The following NCKAP1 variants were observed in gnomAD, a reference collection of about 807,000 sequenced individuals.
NCKAP1 encodes the protein NCK associated protein 1.
NCKAP1 carries 21 observed loss-of-function variants against 151.2 expected under a neutral mutation model. The observed-to-expected ratio is 0.14, with a 90% CI of 0.10 to 0.20. NCKAP1 has a LOEUF of 0.20. Ranked by LOEUF, NCKAP1 falls within the 10% of genes least tolerant of loss-of-function variation. The pLI is 1.00. For missense variants in NCKAP1, 933 were observed against 1,352.1 expected, an observed-to-expected ratio of 0.69 and a Z score of 4.86; for synonymous variants, 484 against 451.8, an observed-to-expected ratio of 1.07 and a Z score of -0.90.
chr2:183,019,311 C>A (rs1698751580), intron 2 of NCKAP1, among the ~76,000 whole-genome samples: 4 of 151,308 alleles, frequency 2.6e-5, no homozygotes, highest in African/African-American at 9.7e-5. Context: ...TTAAAAAACA[C>A]AAACTACCTT....
At chr2:183,028,957 C>CAA (rs10629607) in intron 1 of NCKAP1, among the ~76,000 whole-genome samples, 17,389 of 144,274 alleles carry the variant, frequency 0.12, 1,268 homozygotes, top group Non-Finnish European at 0.17. Context: ...ACTAAAAATA[C>CAA]AAAAAAAAAA....
intron 24 of NCKAP1, among the ~76,000 whole-genome samples, chr2:182,937,917 G>C (rs1371454522): frequency 6.6e-6 from 1 of 152,198 alleles, no homozygotes; most frequent in Non-Finnish European, 1.5e-5. Context: ...CCATGGAAGA[G>C]ATACTTCCCA....
chr2:183,004,681 C>T (rs1291849757), intron 2 of NCKAP1, among the ~76,000 whole-genome samples: 1 of 151,784 alleles, frequency 6.6e-6, no homozygotes, highest in East Asian at 1.9e-4. Context: ...GTCAGCAGTT[C>T]GAGACCAGCC....
chr2:182,962,252 A>G lies in NCKAP1; in HGVS notation c.1788T>C (p.Leu596=). The G allele has an allele frequency of 1.2e-6, 2 of 1,609,696 alleles. No individual in the cohort carries two copies. Among genetic ancestry groups the G allele is most frequent in the South Asian group, 2.2e-5 (2 of 90,794 alleles). ...CATCTAGGAACATATTACATAAGGA[A>G]AGACTGCGATCTCCAATATGATGTC... ...EERHHIGDRS[L]SLCNMFLDEM... Residue 596 remains leucine (L), a synonymous_variant, in exon 18 of 31, where the codon CTT becomes CTC. Transcript: ENST00000361354.
chr2:182,979,572 T>C (rs72886600), intron 13 of NCKAP1, among the ~76,000 whole-genome samples: 4,041 of 152,216 alleles, frequency 0.027, 81 homozygotes, highest in Non-Finnish European at 0.04. Context: ...GAGTGAACTG[T>C]ACACTTAAAA....
At position 182,923,098 on chromosome 2, in the gene NCKAP1, C is replaced by G. The variant is rs1461657263; in HGVS notation, c.*2604G>C. Reference sequence around the variant, plus strand: ...TCACCTTTTTGCTCACCATTACATGCAGGCATCTAAAAATACTTGCTTAAA... The same window carrying G: ...TCACCTTTTTGCTCACCATTACATGGAGGCATCTAAAAATACTTGCTTAAA... On this transcript the variant is annotated 3_prime_UTR_variant, in exon 31 of 31. Coordinates refer to ENST00000361354, the MANE Select transcript of NCKAP1 (RefSeq NM_013436.5). 6.6e-6 allele frequency: 1 copy of G among 152,164 alleles called. No homozygotes were observed. The highest frequency in any genetic ancestry group is 2.4e-5 in the African/African-American group (1 of 41,432). The allele number at this position is 152,164 out of a possible 1,614,324, so 9.4% of individuals were successfully genotyped here. A position where few individuals can be genotyped will look rare whatever the true frequency, so the allele number is the denominator to read the frequency against.
chr2:182,922,144 TC>T lies in NCKAP1; in HGVS notation c.*3557del, dbSNP rs967977462. On this transcript the variant is annotated 3_prime_UTR_variant, in exon 31 of 31. Transcript: ENST00000361354. ...CTACTTTAAGGATTATTCACAAAAG[TC>T]TTAGGAATAATACAGGTGAAGTCTC... 2 of 152,164 alleles carry T rather than the reference TC, an allele frequency of 1.3e-5. No individual in the cohort carries two copies. Among genetic ancestry groups the T allele is most frequent in the Non-Finnish European group, 2.9e-5 (2 of 68,028 alleles). 9.4% of individuals were successfully genotyped at this position (152,164 alleles called of 1,614,324 possible).
At chr2:182,952,531 T>C (rs754300063) in intron 22 of NCKAP1, 29 bp from the exon 23 acceptor site, 1 of 1,470,382 alleles carries the variant, frequency 6.8e-7, no homozygotes, top group South Asian at 1.2e-5. Flanking sequence ...AATTTTATAC[T>C]TCCGACAGAG....
At chr2:182,973,919 C>T (rs1439854211) in intron 15 of NCKAP1, among the ~76,000 whole-genome samples, 1 of 152,156 alleles carries the variant, frequency 6.6e-6, no homozygotes, top group Non-Finnish European at 1.5e-5. Context: ...CATATTCTGT[C>T]TATGACATCT....
chr2:183,015,587 C>T (rs559961711), intron 2 of NCKAP1, among the ~76,000 whole-genome samples: 2 of 151,788 alleles, frequency 1.3e-5, no homozygotes, highest in Admixed American at 1.3e-4. Context: ...CATGGTATAA[C>T]TATGAAACTG....
At chr2:182,930,286 A>G (rs1696735870) in intron 27 of NCKAP1, among the ~76,000 whole-genome samples, 1 of 151,978 alleles carries the variant, frequency 6.6e-6, no homozygotes, top group Admixed American at 6.6e-5. Flanking sequence ...TTAACTCTAC[A>G]TAGCTGATCA....
At chr2:182,946,315 G>C (rs1208292217) in intron 23 of NCKAP1, among the ~76,000 whole-genome samples, 2 of 152,060 alleles carry the variant, frequency 1.3e-5, no homozygotes, top group Non-Finnish European at 2.9e-5. Context: ...CAGGAGAATG[G>C]CGTGAACCTG....
chr2:182,960,059 T>C (rs564683169), intron 18 of NCKAP1, among the ~76,000 whole-genome samples: 191 of 152,166 alleles, frequency 1.3e-3, no homozygotes, highest in African/African-American at 4.3e-3. Flanking sequence ...GAACTACAAA[T>C]CACTGCTCAA....
At chr2:183,004,451 T>G (rs537222114) in intron 2 of NCKAP1, among the ~76,000 whole-genome samples, 1 of 140,084 alleles carries the variant, frequency 7.1e-6, no homozygotes, top group African/African-American at 2.7e-5. Context: ...AATATATATA[T>G]ATTTTTAACT....
intron 19 of NCKAP1, 128 bp downstream of exon 19, chr2:182,957,329 T>G: frequency 9.3e-7 from 1 of 1,078,444 alleles, no homozygotes; most frequent in Admixed American, 2.9e-5. Flanking sequence ...CTCAGAAATA[T>G]TTTTTAAAAT....
chr2:182,939,434 CAGG>C (rs1696948941), intron 24 of NCKAP1, among the ~76,000 whole-genome samples: 1 of 152,036 alleles, frequency 6.6e-6, no homozygotes. Context: ...GAGGCTGATG[CAGG>C]AGAATTGGTT....
chr2:183,032,331 CAAG>C (rs1699019822), intron 1 of NCKAP1, among the ~76,000 whole-genome samples: 1 of 152,132 alleles, frequency 6.6e-6, no homozygotes, highest in African/African-American at 2.4e-5. Context: ...TATATGCCTG[CAAG>C]AAGAGCATTA....
chr2:183,013,238 A>G (rs912382547), intron 2 of NCKAP1, among the ~76,000 whole-genome samples: 2 of 152,128 alleles, frequency 1.3e-5, no homozygotes, highest in Non-Finnish European at 2.9e-5. Flanking sequence ...ACATTCATAT[A>G]AACAATTGGC....
rs754745328 is a variant in NCKAP1 at position 182,928,763 on chromosome 2, CA to C, written c.3070+19del. ...ACCCATGATTTATTCATCGCCAAAA[CA>C]ATTTTAAACCACTATTACCTTCTAT... On this transcript the variant is annotated intron_variant, in intron 28 of 30. Transcript: ENST00000361354. The C allele has an allele frequency of 1.4e-5, 21 of 1,491,546 alleles. No individual in the cohort carries two copies. The South Asian group carries it at 2.2e-4, about 16-fold the overall frequency. 92.4% of individuals were successfully genotyped at this position (1,491,546 alleles called of 1,614,324 possible).
Sources: allele counts gnomAD v4.1 joint callset (sites outside exome capture counted in the v4.1 genomes callset), GRCh38; gene constraint gnomAD v4.1.1; transcripts MANE v1.5; gene names NCBI Gene and HGNC (gene_info 2026-07-23, HGNC 2026-07-21).